The following ZNF248 variants were observed in gnomAD, a reference collection of about 807,000 sequenced individuals.
ZNF248 encodes zinc finger protein 248.
A neutral mutation model predicts 44.3 loss-of-function variants in ZNF248; 20 were observed. The ratio of observed to expected loss-of-function variants is 0.45; its 90% CI spans 0.32 to 0.66. The LOEUF is 0.66. ZNF248 is among the 30% of genes least tolerant of loss of function. The probability of loss-of-function intolerance (pLI) is 0.04; values close to 1 mark genes in which losing one functional copy is unlikely to be tolerated. For synonymous variants in ZNF248, 224 were observed against 229.0 expected, an observed-to-expected ratio of 0.98 and a Z score of 0.20; for missense variants, 654 against 677.0, an observed-to-expected ratio of 0.97 and a Z score of 0.38.
chr10:37,778,024 G>T (rs1293927677), intron 6 of ZNF248, among the ~76,000 whole-genome samples: 1 of 152,108 alleles, frequency 6.6e-6, no homozygotes, highest in Non-Finnish European at 1.5e-5. Flanking sequence ...ATAGCAGCAT[G>T]ATTTATAGTC....
At chr10:37,769,495 C>A in the ZNF248 span, among the ~76,000 whole-genome samples, 6 of 152,274 alleles carry the variant, frequency 3.9e-5, no homozygotes, top group African/African-American at 1.4e-4. Context: ...CGTAATCCAG[C>A]ATATAAACAG....
intron 6 of ZNF248, among the ~76,000 whole-genome samples, chr10:37,818,208 G>T (rs9418288): frequency 0.13 from 20,179 of 152,160 alleles, 1,435 homozygotes; most frequent in Admixed American, 0.2. Flanking sequence ...GAGCCACTGT[G>T]CCCGGCCTTC....
intron 6 of ZNF248, among the ~76,000 whole-genome samples, chr10:37,816,412 G>C (rs1490167651): frequency 6.6e-6 from 1 of 152,178 alleles, no homozygotes; most frequent in Admixed American, 6.5e-5. Flanking sequence ...AAAGCTGCTG[G>C]CACGGGTGAT....
intron 5 of ZNF248, among the ~76,000 whole-genome samples, chr10:37,837,105 TG>T (rs1213093767): frequency 4.8e-4 from 73 of 151,360 alleles, no homozygotes; most frequent in Non-Finnish European, 5.8e-4. Flanking sequence ...AAAAAGTGTT[TG>T]TTTTTTTTTG....
At chr10:37,785,367 G>T (rs543269834) in intron 6 of ZNF248, among the ~76,000 whole-genome samples, 4 of 152,300 alleles carry the variant, frequency 2.6e-5, no homozygotes, top group African/African-American at 9.6e-5. Context: ...GACTACAGCT[G>T]CCCATGATGT....
intron 3 of ZNF248, among the ~76,000 whole-genome samples, chr10:37,848,153 G>T (rs1350657152): frequency 6.6e-6 from 1 of 152,128 alleles, no homozygotes; most frequent in African/African-American, 2.4e-5. Context: ...CACACCTGCA[G>T]TCCCAGCTAC....
At chr10:37,762,364 GA>G in the ZNF248 span, among the ~76,000 whole-genome samples, 1 of 152,170 alleles carries the variant, frequency 6.6e-6, no homozygotes, top group African/African-American at 2.4e-5. Flanking sequence ...TCATTTAGCA[GA>G]AGAGGAAACT....
At chr10:37,788,277 A>AG (rs1395662013) in intron 6 of ZNF248, among the ~76,000 whole-genome samples, 8 of 151,334 alleles carry the variant, frequency 5.3e-5, no homozygotes, top group African/African-American at 1.5e-4. Flanking sequence ...AAAAAAAAAA[A>AG]AAAAGAAAAC....
intron 6 of ZNF248, chr10:37,818,739 G>GT: frequency 3.2e-6 from 2 of 634,374 alleles, no homozygotes; most frequent in Non-Finnish European, 5.6e-6. Flanking sequence ...CATCAATGCA[G>GT]TCCTCCTTTT....
At chr10:37,772,262 C>G (rs1182324595), downstream of ZNF248, among the ~76,000 whole-genome samples, 1 of 137,674 alleles carries the variant, frequency 7.3e-6, no homozygotes, top group Non-Finnish European at 1.5e-5. Flanking sequence ...GAGACTGTCT[C>G]AAGAAAAAAA....
At chr10:37,800,822 C>T (rs1405044175) in intron 6 of ZNF248, among the ~76,000 whole-genome samples, 7 of 151,406 alleles carry the variant, frequency 4.6e-5, no homozygotes, top group Non-Finnish European at 8.8e-5. Flanking sequence ...AGTGCAGTGG[C>T]ACGATCTTGG....
chr10:37,806,918 A>G (rs1349029671), intron 6 of ZNF248, among the ~76,000 whole-genome samples: 2 of 152,118 alleles, frequency 1.3e-5, no homozygotes, highest in Non-Finnish European at 2.9e-5. Context: ...AGTTACTTTG[A>G]GAACATGGTG....
Position 37,831,311 on chromosome 10 carries a change from C to T in ZNF248, c.*304G>A, listed in dbSNP as rs966984349. 22 of 1,549,326 alleles carry T rather than the reference C, an allele frequency of 1.4e-5. No homozygotes were observed. In the African/African-American group the frequency reaches 2.9e-4, roughly 20 times the overall value. On this transcript the variant is annotated 3_prime_UTR_variant, in exon 6 of 6. Transcript: ENST00000395867. ...TTCAACTTTTATAAGCTTCAGATTC[C>T]ACTGTGAATATGGGTATAAATAAAT...
chr10:37,837,848 C>G (rs2057532361), intron 4 of ZNF248, 136 bp from the exon 5 acceptor site: 1 of 1,372,144 alleles, frequency 7.3e-7, no homozygotes, highest in Non-Finnish European at 1.0e-6. Flanking sequence ...TCTGACAAGG[C>G]AAGAGCACCT....
At chr10:37,801,351 G>A (rs1231528722) in intron 6 of ZNF248, among the ~76,000 whole-genome samples, 1 of 151,908 alleles carries the variant, frequency 6.6e-6, no homozygotes, top group Non-Finnish European at 1.5e-5. Context: ...ACTCCAGCCT[G>A]GGTGACACAG....
At chr10:37,821,256 T>C (rs887732682) in intron 6 of ZNF248, among the ~76,000 whole-genome samples, 2 of 148,180 alleles carry the variant, frequency 1.3e-5, no homozygotes, top group African/African-American at 5.3e-5. Context: ...ATTTAGGATT[T>C]CCTTGGTTCT....
chr10:37,828,363 T>C (rs980450364), downstream of ZNF248, among the ~76,000 whole-genome samples: 3 of 152,216 alleles, frequency 2.0e-5, no homozygotes, highest in Admixed American at 6.5e-5. Flanking sequence ...ATCATAGCCA[T>C]CTTCTTTTCT....
chr10:37,823,386 ATTT>A (rs914122375), intron 6 of ZNF248, among the ~76,000 whole-genome samples: 1 of 147,232 alleles, frequency 6.8e-6, no homozygotes, highest in Non-Finnish European at 1.5e-5. Flanking sequence ...GGAACTAATC[ATTT>A]TTTAACAAAA....
intron 6 of ZNF248, among the ~76,000 whole-genome samples, chr10:37,787,689 T>C (rs2048049532): frequency 1.3e-5 from 2 of 150,924 alleles, no homozygotes; most frequent in East Asian, 1.9e-4. Context: ...TCACACAATA[T>C]ATGAAAATTA....
Sources: allele counts gnomAD v4.1 joint callset (sites outside exome capture counted in the v4.1 genomes callset), GRCh38; gene constraint gnomAD v4.1.1; transcripts MANE v1.5; gene names NCBI Gene and HGNC (gene_info 2026-07-23, HGNC 2026-07-21).